The following HK2 variants were observed in gnomAD, a reference collection of about 807,000 sequenced individuals.
HK2 encodes hexokinase-2.
A neutral mutation model predicts 92.9 loss-of-function variants in HK2; 42 were observed. The observed-to-expected ratio is 0.45, with a 90% CI of 0.35 to 0.58. HK2 has a LOEUF of 0.58. HK2 is among the 20% of genes least tolerant of loss of function. HK2 has a pLI of 0.00. For missense variants in HK2, 978 were observed against 1,245.1 expected, an observed-to-expected ratio of 0.79 and a Z score of 3.23; for synonymous variants, 422 against 468.0, an observed-to-expected ratio of 0.90 and a Z score of 1.27.
Position 74,881,863 on chromosome 2 carries a change from A to G in HK2, c.1719+4A>G, listed in dbSNP as rs1209623639. The G allele has an allele frequency of 1.1e-5, 18 of 1,614,122 alleles. No individual in the cohort carries two copies. Among genetic ancestry groups the G allele is most frequent in the Non-Finnish European group, 1.5e-5 (18 of 1,179,998 alleles). ...CATGCACGGCACCGGGGACGAGGTG[A>G]GCAGGGCGGCGCCTTCAGGAGGGGG... is the stretch of plus-strand genomic sequence containing the variant. On this transcript the variant is annotated splice_donor_region_variant and intron_variant, in intron 11 of 17. Coordinates refer to ENST00000290573, the MANE Select transcript of HK2 (RefSeq NM_000189.5).
In HK2 at chr2:74,878,705, G is replaced by A. The variant is rs571011343; in HGVS notation, c.1049G>A (p.Arg350Gln). 1.2e-5 allele frequency: 19 copies of A among 1,606,168 alleles called. No individual in the cohort carries two copies. In the South Asian group the frequency reaches 1.6e-4, roughly 13 times the overall value. ...SDIEGEKDGI[R>Q]KAREVLMRLG... The stretch of plus-strand genomic sequence containing the variant: ...TTTCCCAGGGAGAAGGATGGCATCC[G>A]GAAGGCCCGTGAGGTCCTGATGCGG... Residue 350 changes from arginine (R) to glutamine (Q), a missense_variant, in exon 9 of 18, where the codon CGG becomes CAG. Transcript: ENST00000290573.
chr2:74,865,785 T>A (rs1348173440), intron 2 of HK2, among the ~76,000 whole-genome samples: 1 of 152,010 alleles, frequency 6.6e-6, no homozygotes. Flanking sequence ...TGCAATCCCT[T>A]CTGCTTTCGT....
intron 2 of HK2, among the ~76,000 whole-genome samples, chr2:74,858,655 A>C (rs1688746179): frequency 6.6e-6 from 1 of 152,234 alleles, no homozygotes; most frequent in African/African-American, 2.4e-5. Flanking sequence ...ATTGGCATCA[A>C]GGGAGCAGGT....
At chr2:74,885,955 A>T (rs1034551876) in intron 13 of HK2, among the ~76,000 whole-genome samples, 11 of 151,732 alleles carry the variant, frequency 7.2e-5, no homozygotes, top group Non-Finnish European at 1.3e-4. Context: ...GCACATTTTT[A>T]TGGTTATTTC....
chr2:74,881,606 CA>C, intron 10 of HK2, 104 bp from the exon 11 acceptor site: 12 of 1,108,594 alleles, frequency 1.1e-5, no homozygotes, highest in Non-Finnish European at 1.7e-5. Context: ...TATAAAGTGG[CA>C]TTTGATGGAA....
At chr2:74,889,913 T>C (rs907269242) in intron 17 of HK2, among the ~76,000 whole-genome samples, 2 of 152,262 alleles carry the variant, frequency 1.3e-5, no homozygotes, top group Non-Finnish European at 2.9e-5. Context: ...CAGTTGGTAG[T>C]TCATTAATTT....
At chr2:74,889,548 C>T (rs760462839) in intron 17 of HK2, 70 bp downstream of exon 17, 1 of 1,048,920 alleles carries the variant, frequency 9.5e-7, no homozygotes, top group African/African-American at 1.6e-5. Flanking sequence ...TTCTTTCTCT[C>T]TTTCCTTTGT....
chr2:74,834,668 AG>A lies in HK2; in HGVS notation c.63+27del, dbSNP rs748781604. On this transcript the variant is annotated intron_variant, in intron 1 of 17. Coordinates refer to ENST00000290573, the MANE Select transcript of HK2 (RefSeq NM_000189.5). The surrounding 1 kb of genome is among the most constrained non-coding windows in gnomAD (Gnocchi z 4.2). ...GGTAAGTCAGCGCGGGCGGGGCGGC[AG>A]GCTGGGCTCTGGCAAAGTGGTCTGG... 2.5e-6 allele frequency: 4 copies of A among 1,612,608 alleles called. No homozygotes were observed. The African/African-American group carries it at 5.3e-5, about 22-fold the overall frequency.
At position 74,866,283 on chromosome 2, in the gene HK2, A is replaced by G. The variant is rs75731195; in HGVS notation, c.227-1353A>G. Reference sequence around the variant, plus strand: ...AGAGCATCTCCCTGACCTCTGACCCATTCCGCTTCACTTCAGTGCTGTTCT... The same window carrying G: ...AGAGCATCTCCCTGACCTCTGACCCGTTCCGCTTCACTTCAGTGCTGTTCT... On this transcript the variant is annotated intron_variant, in intron 2 of 17. Coordinates refer to ENST00000290573, the MANE Select transcript of HK2 (RefSeq NM_000189.5). Among the ~76,000 whole-genome samples the G allele has an allele frequency of 1.6e-3, 238 of 152,290 alleles. 5 individuals carry two copies. The East Asian group carries it at 0.042, about 27-fold the overall frequency.
Position 74,887,927 on chromosome 2 carries a change from G to A in HK2, c.2244G>A (p.Met748Ile), listed in dbSNP as rs1689578035. ...GGTTCGAGAAAATGATCAGTGGAAT[G>A]TACCTGGGTGAGATTGTCCGTAACA... Reference protein sequence around the residue: ...KQRFEKMISGMYLGEIVRNIL... With the variant: ...KQRFEKMISGIYLGEIVRNIL... The change falls in exon 16 of 18, where the codon ATG (methionine) becomes ATA (isoleucine). Residue 748 changes from methionine (M) to isoleucine (I), a missense_variant. By Grantham distance (10) the Met-to-Ile change is conservative. Coordinates refer to ENST00000290573, the MANE Select transcript of HK2 (RefSeq NM_000189.5). 1 of 1,614,010 alleles carries A rather than the reference G, an allele frequency of 6.2e-7. No individual in the cohort carries two copies. Among genetic ancestry groups the A allele is most frequent in the Non-Finnish European group, 8.5e-7 (1 of 1,179,990 alleles).
Position 74,834,625 on chromosome 2 carries a change from C to T in HK2, c.45C>T (p.Asn15=). ...TTGCCTACTTCTTCACGGAGCTCAA[C>T]CATGACCAAGTGCAGAAGGTAAGTC... The part of the protein sequence containing the change: ...HLLAYFFTEL[N]HDQVQKVDQY... The change falls in exon 1 of 18, where the codon AAC becomes AAT. Residue 15 remains asparagine (N), a synonymous_variant. Transcript: ENST00000290573. The surrounding 1 kb of genome is among the most constrained non-coding windows in gnomAD (Gnocchi z 4.2). The T allele has an allele frequency of 3.1e-6, 5 of 1,613,968 alleles. No individual in the cohort carries two copies. The highest frequency in any genetic ancestry group is 4.2e-6 in the Non-Finnish European group (5 of 1,179,864).
chr2:74,877,262 C>T lies in HK2; in HGVS notation c.972C>T (p.Leu324=). The change falls in exon 8 of 18, where the codon CTC becomes CTT. Residue 324 remains leucine (L), a synonymous_variant. Coordinates refer to ENST00000290573, the MANE Select transcript of HK2 (RefSeq NM_000189.5). The part of the protein sequence containing the change: ...AKEELLFGGK[L]SPELLNTGRF... ...AGGAGCTGCTCTTTGGGGGGAAGCT[C>T]AGCCCAGAGCTTCTCAACACCGGTC... 6.2e-7 allele frequency: 1 copy of T among 1,614,180 alleles called. No homozygotes were observed. The highest frequency in any genetic ancestry group is 8.5e-7 in the Non-Finnish European group (1 of 1,180,038).
intron 1 of HK2, among the ~76,000 whole-genome samples, chr2:74,848,255 C>A (rs1478406522): frequency 6.6e-6 from 1 of 152,208 alleles, no homozygotes. Context: ...TCTCTCCACG[C>A]ATTCTAGAGA....
chr2:74,855,380 T>C (rs962012531), intron 2 of HK2, among the ~76,000 whole-genome samples: 1 of 152,074 alleles, frequency 6.6e-6, no homozygotes. Context: ...TACAGAGTAC[T>C]TTTTTTTGAG....
intron 1 of HK2, among the ~76,000 whole-genome samples, chr2:74,843,690 C>A (rs1647581322): frequency 1.3e-5 from 2 of 152,182 alleles, no homozygotes; most frequent in Non-Finnish European, 2.9e-5. Flanking sequence ...TCTTAAAAGG[C>A]CTTTTTCCCA....
intron 1 of HK2, among the ~76,000 whole-genome samples, chr2:74,840,736 G>A (rs538627643): frequency 2.6e-5 from 4 of 151,488 alleles, no homozygotes; most frequent in African/African-American, 9.7e-5. Flanking sequence ...AAAATTAGCC[G>A]GGCGTGGTGG....
In HK2 at chr2:74,834,635, G is replaced by A; in HGVS notation, c.55G>A (p.Val19Met). 6.2e-7 allele frequency: 1 copy of A among 1,613,976 alleles called. No homozygotes were observed. Residue 19 changes from valine to methionine, a missense_variant, in exon 1 of 18, where the codon GTG (valine) becomes ATG (methionine). Val to Met is a conservative substitution (Grantham distance 21). This residue lies in a region of HK2 where 47 missense variants were observed against 33.1 expected (regional missense o/e 1.42). Transcript: ENST00000290573. The surrounding 1 kb of genome is among the most constrained non-coding windows in gnomAD (Gnocchi z 4.2). ...YFFTELNHDQVQKVDQYLYHM... is the reference protein window; with the variant it reads ...YFFTELNHDQMQKVDQYLYHM... Reference sequence around the variant, plus strand: ...CTTCACGGAGCTCAACCATGACCAAGTGCAGAAGGTAAGTCAGCGCGGGCG... The same window carrying A: ...CTTCACGGAGCTCAACCATGACCAAATGCAGAAGGTAAGTCAGCGCGGGCG...
intron 1 of HK2, among the ~76,000 whole-genome samples, chr2:74,850,793 C>T (rs190530478): frequency 1.3e-5 from 2 of 152,140 alleles, no homozygotes; most frequent in African/African-American, 4.8e-5. Flanking sequence ...CAGTGCCTAC[C>T]AGGGCTGGGT....
In HK2 at chr2:74,834,952, C is replaced by T. The variant is rs1688117862; in HGVS notation, c.63+309C>T. Among the ~76,000 whole-genome samples, 1 of 152,208 alleles carries T rather than the reference C, an allele frequency of 6.6e-6. No individual in the cohort carries two copies. The highest frequency in any genetic ancestry group is 2.4e-5 in the African/African-American group (1 of 41,464). On this transcript the variant is annotated intron_variant, in intron 1 of 17. Coordinates refer to ENST00000290573, the MANE Select transcript of HK2 (RefSeq NM_000189.5). The surrounding 1 kb of genome is among the most constrained non-coding windows in gnomAD (Gnocchi z 4.2). ...GTTACTGGAGGGGCGGGTCACCCCG[C>T]AGGTAGTCAGGGATTGCTGCGCCCA...
Sources: gnomAD v4.1 joint callset for allele counts (sites outside exome capture counted in the v4.1 genomes callset) on GRCh38, gnomAD v4.1.1 for gene constraint, gnomAD v4.1.1 regional missense constraint, Gnocchi (gnomAD v3.1) non-coding constraint, MANE v1.5 for transcripts, NCBI Gene and HGNC (gene_info 2026-07-23, HGNC 2026-07-21) for gene names.